Variants in TBC1D4 observed in about 807,000 individuals in gnomAD.
TBC1D4 encodes the protein TBC (Tre-2, BUB2, CDC16) domain-containing protein.
TBC1D4 carries 121 observed loss-of-function variants against 142.5 expected under a neutral mutation model. The ratio of observed to expected loss-of-function variants is 0.85; its 90% CI spans 0.73 to 0.99. The LOEUF is 0.99. Ranked by LOEUF, TBC1D4 falls within the 50% of genes least tolerant of loss-of-function variation. The pLI is 0.00. For missense variants in TBC1D4, 1,475 were observed against 1,606.6 expected (o/e 0.92, Z 1.40); for synonymous variants, 630 against 628.2 (o/e 1.00, Z -0.04).
rs1566412422 is a variant in TBC1D4, at chr13:75,351,349, A to AATT, written c.1276-2048_1276-2047insAAT. Reference sequence around the variant, plus strand: ...AAAATTTAAATTTTTAAATTATCCAATAAAGAATGGCATCAATCCTATTTT... The same window carrying AATT: ...AAAATTTAAATTTTTAAATTATCCAAATTTAAAGAATGGCATCAATCCTATTTT... On this transcript the variant is annotated intron_variant, in intron 4 of 20. Coordinates refer to ENST00000377636, the MANE Select transcript of TBC1D4 (RefSeq NM_014832.5). 6.6e-5 allele frequency among the ~76,000 whole-genome samples: 10 copies of AATT among 152,284 alleles called. No individual in the cohort carries two copies. In the East Asian group the frequency reaches 1.7e-3, roughly 26 times the overall value.
At chr13:75,386,692 C>A (rs1884194603) in intron 1 of TBC1D4, among the ~76,000 whole-genome samples, 1 of 152,052 alleles carries the variant, frequency 6.6e-6, no homozygotes, top group South Asian at 2.1e-4. Flanking sequence ...ATGATACATG[C>A]TCATTGGGAA....
chr13:75,403,029 G>C (rs1486928228), intron 1 of TBC1D4, among the ~76,000 whole-genome samples: 3 of 152,148 alleles, frequency 2.0e-5, no homozygotes, highest in South Asian at 2.1e-4. Flanking sequence ...TGCAGTCATG[G>C]GGAAAGAACA....
At chr13:75,324,216 A>T (rs567377824) in intron 11 of TBC1D4, 21 bp downstream of exon 11, 64 of 1,613,604 alleles carry the variant, frequency 4.0e-5, no homozygotes, top group Admixed American at 1.2e-4. Flanking sequence ...TTGCTTTGCA[A>T]ACAGAGGACA....
intron 19 of TBC1D4, among the ~76,000 whole-genome samples, chr13:75,291,169 C>T (rs541759446): frequency 6.6e-6 from 1 of 152,290 alleles, no homozygotes; most frequent in South Asian, 2.1e-4. Context: ...TGTACCCTGG[C>T]AGGCAGACAA....
At chr13:75,409,352 T>A (rs2138386857) in intron 1 of TBC1D4, among the ~76,000 whole-genome samples, 1 of 152,306 alleles carries the variant, frequency 6.6e-6, no homozygotes, top group East Asian at 1.9e-4. Context: ...TCATTTTAAA[T>A]ACTGTATGCT....
intron 1 of TBC1D4, among the ~76,000 whole-genome samples, chr13:75,460,953 G>C (rs1471908298): frequency 2.0e-5 from 3 of 152,000 alleles, no homozygotes; most frequent in African/African-American, 7.3e-5. Flanking sequence ...GAGAGATAAG[G>C]AATGAAGTAA....
At chr13:75,349,505 T>G (rs1448435262) in intron 4 of TBC1D4, among the ~76,000 whole-genome samples, 2 of 152,250 alleles carry the variant, frequency 1.3e-5, no homozygotes, top group African/African-American at 4.8e-5. Flanking sequence ...GAAGTAAGAT[T>G]ATTTCAATGT....
intron 1 of TBC1D4, among the ~76,000 whole-genome samples, chr13:75,386,067 C>T (rs1037382715): frequency 6.6e-6 from 1 of 152,126 alleles, no homozygotes; most frequent in Non-Finnish European, 1.5e-5. Context: ...ACAAGGCTTA[C>T]CCATAAATAC....
chr13:75,445,514 T>C (rs1227310560), intron 1 of TBC1D4, among the ~76,000 whole-genome samples: 2 of 152,212 alleles, frequency 1.3e-5, no homozygotes, highest in African/African-American at 2.4e-5. Context: ...AGATCGTATA[T>C]GCAAAATCCT....
At chr13:75,454,975 T>C (rs574905741) in intron 1 of TBC1D4, among the ~76,000 whole-genome samples, 4 of 152,306 alleles carry the variant, frequency 2.6e-5, no homozygotes, top group South Asian at 2.1e-4. Flanking sequence ...AATGTAAACA[T>C]GAATATATAA....
chr13:75,471,734 C>A (rs1362930048), intron 1 of TBC1D4, among the ~76,000 whole-genome samples: 1 of 25,758 alleles, frequency 3.9e-5, no homozygotes, highest in Admixed American at 6.3e-4. Flanking sequence ...GTGAGACTGT[C>A]TCAAAAAAAA....
chr13:75,293,190 T>C (rs1415327644), intron 18 of TBC1D4, among the ~76,000 whole-genome samples: 1 of 152,146 alleles, frequency 6.6e-6, no homozygotes, highest in Non-Finnish European at 1.5e-5. Context: ...AAGTATCAAG[T>C]ACTTAGTACT....
intron 1 of TBC1D4, among the ~76,000 whole-genome samples, chr13:75,402,620 A>AT (rs1438647138): frequency 6.7e-6 from 1 of 149,626 alleles, no homozygotes; most frequent in African/African-American, 2.5e-5. Flanking sequence ...TTTAAAAACA[A>AT]TTTCATTTTC....
intron 8 of TBC1D4, among the ~76,000 whole-genome samples, chr13:75,331,613 A>G (rs1322700143): frequency 6.6e-6 from 1 of 152,176 alleles, no homozygotes; most frequent in African/African-American, 2.4e-5. Flanking sequence ...TTGAACAGAC[A>G]GCTTTTTCTG....
At chr13:75,336,171 G>A (rs1486391523) in intron 8 of TBC1D4, among the ~76,000 whole-genome samples, 1 of 152,044 alleles carries the variant, frequency 6.6e-6, no homozygotes, top group East Asian at 1.9e-4. Context: ...GGCCGACGTG[G>A]GTGGATCACA....
chr13:75,477,305 G>A (rs932723825), intron 1 of TBC1D4, among the ~76,000 whole-genome samples: 4 of 152,244 alleles, frequency 2.6e-5, no homozygotes, highest in Non-Finnish European at 4.4e-5. Flanking sequence ...AACTGGTTAC[G>A]TGAATAAAGC....
At chr13:75,467,105 T>A (rs1395018128) in intron 1 of TBC1D4, among the ~76,000 whole-genome samples, 1 of 152,106 alleles carries the variant, frequency 6.6e-6, no homozygotes, top group African/African-American at 2.4e-5. Flanking sequence ...AACGGGGTAA[T>A]ATATTATGAC....
intron 1 of TBC1D4, among the ~76,000 whole-genome samples, chr13:75,434,160 G>T (rs1375934403): frequency 6.6e-6 from 1 of 152,140 alleles, no homozygotes; most frequent in East Asian, 1.9e-4. Context: ...CCACTACTGG[G>T]TATATATCCA....
Position 75,362,449 on chromosome 13 carries a change from T to C in TBC1D4, c.657A>G (p.Ser219=), listed in dbSNP as rs1453802090. The stretch of plus-strand genomic sequence containing the variant: ...TCTCCATGCAGTCATCGATGAGGCT[T>C]GAGGGGGCCTTCTTGTGGGTCACGG... ...KVTVTHKKAP[S]SLIDDCMEKF... is the part of the protein sequence containing the mutation. Residue 219 remains serine, a synonymous_variant, in exon 2 of 21, where the codon TCA becomes TCG. Coordinates refer to ENST00000377636, the MANE Select transcript of TBC1D4 (RefSeq NM_014832.5). This position sits in a 1 kb window ranked among gnomAD's most constrained non-coding sequence, Gnocchi z 4.2. The C allele has an allele frequency of 1.2e-6, 2 of 1,614,230 alleles. No individual in the cohort carries two copies. Among genetic ancestry groups the C allele is most frequent in the East Asian group, 4.5e-5 (2 of 44,882 alleles).
Sources: allele counts gnomAD v4.1 joint callset (sites outside exome capture counted in the v4.1 genomes callset), GRCh38; gene constraint gnomAD v4.1.1; non-coding constraint Gnocchi (gnomAD v3.1); transcripts MANE v1.5; gene names NCBI Gene and HGNC (gene_info 2026-07-23, HGNC 2026-07-21).